SAP130: variants seen among roughly 807,000 people sequenced by gnomAD.
SAP130 encodes histone deacetylase complex subunit SAP130.
Under a neutral mutation model 103.2 loss-of-function variants are expected in SAP130, and 16 were observed. The ratio of observed to expected loss-of-function variants is 0.16; its 90% confidence interval spans 0.10 to 0.24. SAP130 has a LOEUF of 0.24. Among genes scored for constraint, SAP130 ranks in the 10% least tolerant of loss-of-function variants. The probability of loss-of-function intolerance (pLI) is 1.00; values close to 1 mark genes in which losing one functional copy is unlikely to be tolerated. For missense variants in SAP130, 990 were observed against 1,359.7 expected (o/e 0.73, Z 4.28); for synonymous variants, 477 against 497.0 (o/e 0.96, Z 0.53).
intron 19 of SAP130, among the ~76,000 whole-genome samples, chr2:127,944,091 G>C (rs1384434824): frequency 1.3e-5 from 2 of 152,090 alleles, no homozygotes; most frequent in Non-Finnish European, 2.9e-5. Flanking sequence ...GAGTGCAGTG[G>C]TGCGATCATG....
intron 7 of SAP130, among the ~76,000 whole-genome samples, chr2:128,008,735 G>T (rs1212124610): frequency 2.0e-5 from 3 of 151,696 alleles, no homozygotes; most frequent in Non-Finnish European, 4.4e-5. Context: ...GCCCCAGCTG[G>T]AATGCAGTGA....
chr2:128,007,058 A>C (rs1361296515), intron 7 of SAP130, among the ~76,000 whole-genome samples: 1 of 152,250 alleles, frequency 6.6e-6, no homozygotes, highest in Non-Finnish European at 1.5e-5. Flanking sequence ...TCCAGGTTTT[A>C]TTAAAACAAT....
intron 7 of SAP130, among the ~76,000 whole-genome samples, chr2:128,003,333 C>G (rs1428385092): frequency 6.6e-6 from 1 of 151,670 alleles, no homozygotes; most frequent in Non-Finnish European, 1.5e-5. Context: ...ATGGCAAGGC[C>G]CAGTCTCTAT....
chr2:128,027,402 C>A (rs1003252527), intron 1 of SAP130: 56 of 1,133,880 alleles, frequency 4.9e-5, no homozygotes, highest in Non-Finnish European at 6.0e-5. Flanking sequence ...CAGAGCCCGC[C>A]CCACCCTCCC....
Position 127,955,129 on chromosome 2 carries a change from G to C in SAP130, c.2279C>G (p.Thr760Ser), listed in dbSNP as rs565167046. The change falls in exon 16 of 21, where the codon ACT becomes AGT. Residue 760 changes from threonine (T) to serine (S), a missense_variant. Thr to Ser is a moderately conservative substitution (Grantham distance 58). Around this residue, in one of 6 missense-constraint regions of SAP130, gnomAD observed 349 missense variants for 384.1 expected, o/e 0.91. Transcript: ENST00000643581. The surrounding 1 kb of genome is among the most constrained non-coding windows in gnomAD (Gnocchi z 4.9). ...LSTIPGAVPI[T>S]PPITTIAAAP... ...AGCTGCAATGGTGGTGATGGGTGGA[G>C]TGATGGGGACCGCTCCAGGAATGGT... The C allele has an allele frequency of 2.5e-6, 4 of 1,614,234 alleles. No individual in the cohort carries two copies. The highest frequency in any genetic ancestry group is 2.7e-5 in the African/African-American group (2 of 75,074).
intron 15 of SAP130, among the ~76,000 whole-genome samples, chr2:127,958,651 AGAGAGAGAGAGAGAGAG>A (rs1224554721): frequency 7.6e-6 from 1 of 132,280 alleles, no homozygotes; most frequent in Non-Finnish European, 1.6e-5. Flanking sequence ...AGAGAGAGAG[AGAGAGAGAGAGAGAGAG>A]AGAGAGAGAG....
intron 16 of SAP130, 140 bp from the exon 17 acceptor site, chr2:127,950,548 T>C: frequency 1.0e-6 from 1 of 957,884 alleles, no homozygotes; most frequent in African/African-American, 1.6e-5. Context: ...TCTGGCACTG[T>C]GCTAAGCACT....
At position 127,953,020 on chromosome 2, in the gene SAP130, C is replaced by T. The variant is rs1230474819; in HGVS notation, c.2422+1966G>A. Among the ~76,000 whole-genome samples, 1 of 152,136 alleles carries T rather than the reference C, an allele frequency of 6.6e-6. No individual in the cohort carries two copies. The highest frequency in any genetic ancestry group is 2.4e-5 in the African/African-American group (1 of 41,416). ...GTATCTGCAACTTCATTTTCTATTCCAAAAGCCAGCCTCATAGATCCAACT... is the reference window on the plus strand; with the variant it reads ...GTATCTGCAACTTCATTTTCTATTCTAAAAGCCAGCCTCATAGATCCAACT... On this transcript the variant is annotated intron_variant, in intron 16 of 20. Transcript: ENST00000643581. The surrounding 1 kb of genome is among the most constrained non-coding windows in gnomAD (Gnocchi z 4.0).
At chr2:127,976,738 C>T (rs558039178) in intron 15 of SAP130, among the ~76,000 whole-genome samples, 47 of 152,208 alleles carry the variant, frequency 3.1e-4, no homozygotes, top group Non-Finnish European at 5.7e-4. Context: ...GGTGAAACTC[C>T]GTCTCTACTA....
At chr2:128,006,494 G>C (rs1259021885) in intron 7 of SAP130, among the ~76,000 whole-genome samples, 1 of 152,184 alleles carries the variant, frequency 6.6e-6, no homozygotes, top group African/African-American at 2.4e-5. Flanking sequence ...TGAAACCAAG[G>C]CTGGGTGTGG....
chr2:128,006,728 C>T (rs1455273378), intron 7 of SAP130, among the ~76,000 whole-genome samples: 4 of 152,250 alleles, frequency 2.6e-5, no homozygotes, highest in South Asian at 2.1e-4. Context: ...TGCAGTGAGC[C>T]GTGATCAAGC....
rs1196205916 is a variant in SAP130 at position 127,989,546 on chromosome 2, G to C, written c.1780+18C>G. The C allele has an allele frequency of 1.3e-5, 21 of 1,586,552 alleles. No individual in the cohort carries two copies. Among genetic ancestry groups the C allele is most frequent in the Non-Finnish European group, 1.7e-5 (20 of 1,164,228 alleles). On this transcript the variant is annotated intron_variant, in intron 13 of 20. Transcript: ENST00000643581. The surrounding 1 kb of genome is among the most constrained non-coding windows in gnomAD (Gnocchi z 4.6). ...TTCTTTTCTCCAAACCACCTTCTAT[G>C]CAAAAATTTAAAATTACCTGAAGTC...
In SAP130 at chr2:128,016,410, C is replaced by T; in HGVS notation, c.486G>A (p.Val162=). The part of the protein sequence containing the change: ...SSIPQASAIP[V]ATISGQQGHP... ...AAACCTGTTGTCCACTGATTGTTGC[C>T]ACAGGAATGGCTGAAGCTTGAGGGA... The change falls in exon 4 of 21, where the codon GTG becomes GTA. Residue 162 remains valine, a synonymous_variant. Transcript: ENST00000643581. The T allele has an allele frequency of 1.2e-6, 2 of 1,612,670 alleles. No homozygotes were observed. Among genetic ancestry groups the T allele is most frequent in the Non-Finnish European group, 1.7e-6 (2 of 1,179,430 alleles).
Position 127,953,370 on chromosome 2 carries a change from C to T in SAP130, c.2422+1616G>A, listed in dbSNP as rs982111853. On this transcript the variant is annotated intron_variant, in intron 16 of 20. Transcript: ENST00000643581. This position sits in a 1 kb window ranked among gnomAD's most constrained non-coding sequence, Gnocchi z 4.0. Reference sequence around the variant, plus strand: ...TGCTCCTGGCAATTAATGCAACAGCCGCTTGACAGGTCTCCCCGATTCCAT... The same window carrying T: ...TGCTCCTGGCAATTAATGCAACAGCTGCTTGACAGGTCTCCCCGATTCCAT... Among the ~76,000 whole-genome samples the T allele has an allele frequency of 1.3e-5, 2 of 152,224 alleles. No homozygotes were observed. Among genetic ancestry groups the T allele is most frequent in the South Asian group, 2.1e-4 (1 of 4,836 alleles).
Position 127,972,889 on chromosome 2 carries a change from C to T in SAP130, c.2063+5096G>A, listed in dbSNP as rs1266469722. 2.0e-5 allele frequency among the ~76,000 whole-genome samples: 3 copies of T among 152,010 alleles called. No homozygotes were observed. In the East Asian group the frequency reaches 5.8e-4, roughly 29 times the overall value. On this transcript the variant is annotated intron_variant, in intron 15 of 20. Coordinates refer to ENST00000643581, the MANE Select transcript of SAP130 (RefSeq NM_001330301.2). ...TCAAGGCTGCAGTGAGCTATGATCACGCCACTGCACTCCAGCCGGGGTGAC... is the reference window on the plus strand; with the variant it reads ...TCAAGGCTGCAGTGAGCTATGATCATGCCACTGCACTCCAGCCGGGGTGAC...
chr2:127,957,485 G>C (rs953399428), intron 15 of SAP130, among the ~76,000 whole-genome samples: 4 of 152,132 alleles, frequency 2.6e-5, no homozygotes, highest in Non-Finnish European at 5.9e-5. Context: ...CACCAGCCTA[G>C]TTAACATAGG....
intron 14 of SAP130, among the ~76,000 whole-genome samples, chr2:127,985,963 G>A (rs1405518006): frequency 6.6e-6 from 1 of 152,188 alleles, no homozygotes; most frequent in African/African-American, 2.4e-5. Context: ...CCGACCAGCA[G>A]AACGACGCAG....
rs1258748905 is a variant in SAP130 at position 128,010,389 on chromosome 2, C to T, written c.749G>A (p.Arg250Gln). ...GGCATTGGAGGTGGTCACAGGTGGC[C>T]GAGACTACCAAAAGAGAAAAAACAG... Reference protein sequence around the residue: ...QHIIHQPIQSRPPVTTSNAIP... With the variant: ...QHIIHQPIQSQPPVTTSNAIP... Residue 250 changes from arginine (R) to glutamine (Q), a missense_variant, in exon 7 of 21, where the codon CGG becomes CAG. Arg to Gln is a conservative substitution (Grantham distance 43). This residue lies in a region of SAP130 where 336 missense variants were observed against 520.1 expected (regional missense o/e 0.65). Transcript: ENST00000643581. The T allele has an allele frequency of 1.2e-5, 20 of 1,608,168 alleles. No homozygotes were observed. Among genetic ancestry groups the T allele is most frequent in the East Asian group, 2.2e-5 (1 of 44,822 alleles).
At position 128,019,256 on chromosome 2, in the gene SAP130, A is replaced by T. The variant is rs558314788; in HGVS notation, c.113-1341T>A. On this transcript the variant is annotated intron_variant, in intron 2 of 20. Transcript: ENST00000643581. The stretch of plus-strand genomic sequence containing the variant: ...CTACCAGAAGACAATCTATTTAAAA[A>T]TTTTTTTTAATTAAAAAAAATTTTT... Among the ~76,000 whole-genome samples the T allele has an allele frequency of 4.0e-4, 60 of 151,324 alleles. 1 individual carries two copies. In the South Asian group the frequency reaches 5.8e-3, roughly 15 times the overall value.
Sources: gnomAD v4.1 joint callset for allele counts (sites outside exome capture counted in the v4.1 genomes callset) on GRCh38, gnomAD v4.1.1 for gene constraint, gnomAD v4.1.1 regional missense constraint, Gnocchi (gnomAD v3.1) non-coding constraint, MANE v1.5 for transcripts, NCBI Gene and HGNC (gene_info 2026-07-23, HGNC 2026-07-21) for gene names.